The following WSCD2 variants were observed in gnomAD, a reference collection of about 807,000 sequenced individuals.
WSCD2 encodes the protein sialate:O-sulfotransferase 2.
Under a neutral mutation model 55.7 loss-of-function variants are expected in WSCD2, and 28 were observed. That is an observed-to-expected ratio of 0.50 (90% confidence interval 0.37 to 0.69). The LOEUF (loss-of-function observed/expected upper bound fraction) is 0.69, where lower values mean the gene tolerates loss of function less well. WSCD2 is among the 30% of genes least tolerant of loss of function. WSCD2 has a pLI of 0.00. For missense variants in WSCD2, 616 were observed against 762.1 expected, an observed-to-expected ratio of 0.81 and a Z score of 2.26; for synonymous variants, 301 against 301.9, an observed-to-expected ratio of 1.00 and a Z score of 0.03.
intron 1 of WSCD2, among the ~76,000 whole-genome samples, chr12:108,141,349 C>A (rs769844044): frequency 6.6e-6 from 1 of 152,224 alleles, no homozygotes; most frequent in African/African-American, 2.4e-5. Flanking sequence ...GATGCTCCTG[C>A]CTTGGCCTCC....
rs1282939739 is a variant in WSCD2 at position 108,227,003 on chromosome 12, C to A, written c.818C>A (p.Ala273Glu). Residue 273 changes from alanine (A) to glutamate (E), a missense_variant, in exon 6 of 9, where the codon GCA (alanine) becomes GAA (glutamate). Transcript: ENST00000547525. ...DFCTEKEYPL[A>E]ALAGTACHCG... The stretch of plus-strand genomic sequence containing the variant: ...CTCCATCCCCAGGAGTACCCGCTGG[C>A]AGCTCTTGCAGGCACCGCCTGCCAC... The A allele has an allele frequency of 6.2e-7, 1 of 1,613,554 alleles. No individual in the cohort carries two copies. Among genetic ancestry groups the A allele is most frequent in the Non-Finnish European group, 8.5e-7 (1 of 1,179,742 alleles).
chr12:108,182,157 G>A (rs1881858458), intron 1 of WSCD2, among the ~76,000 whole-genome samples: 1 of 152,212 alleles, frequency 6.6e-6, no homozygotes, highest in Non-Finnish European at 1.5e-5. Flanking sequence ...CTACCTCCAA[G>A]AGGTAACATC....
At chr12:108,194,026 G>C (rs1412978641) in intron 1 of WSCD2, among the ~76,000 whole-genome samples, 1 of 152,150 alleles carries the variant, frequency 6.6e-6, no homozygotes, top group Non-Finnish European at 1.5e-5. Context: ...GATGGTCATG[G>C]GGCCCCCTGC....
intron 2 of WSCD2, among the ~76,000 whole-genome samples, chr12:108,201,404 C>G (rs1884660692): frequency 1.3e-5 from 2 of 152,074 alleles, no homozygotes; most frequent in African/African-American, 2.4e-5. Context: ...ACCCAGCCTA[C>G]TCCAGTTTAG....
At chr12:108,179,113 C>T (rs1465714742) in intron 1 of WSCD2, among the ~76,000 whole-genome samples, 1 of 152,150 alleles carries the variant, frequency 6.6e-6, no homozygotes, top group African/African-American at 2.4e-5. Flanking sequence ...CCTCTAATCA[C>T]TTTCACATGG....
At chr12:108,149,698 G>C (rs1026848733) in intron 1 of WSCD2, 4 of 152,268 alleles carry the variant, frequency 2.6e-5, no homozygotes, top group Non-Finnish European at 4.4e-5. Flanking sequence ...CAATTAGGCT[G>C]TGTGCTACTT....
intron 1 of WSCD2, among the ~76,000 whole-genome samples, chr12:108,161,944 C>T (rs765573924): frequency 1.3e-5 from 2 of 152,166 alleles, no homozygotes; most frequent in South Asian, 2.1e-4. Context: ...CAGATTTTAC[C>T]GTGGCTTCAC....
intron 1 of WSCD2, among the ~76,000 whole-genome samples, chr12:108,130,733 C>T (rs1344531066): frequency 6.6e-6 from 1 of 152,022 alleles, no homozygotes; most frequent in East Asian, 1.9e-4. Context: ...CCTGGCTGCT[C>T]AATGAGACCA....
intron 7 of WSCD2, among the ~76,000 whole-genome samples, chr12:108,234,347 G>A (rs1413760568): frequency 6.6e-6 from 1 of 152,124 alleles, no homozygotes; most frequent in Non-Finnish European, 1.5e-5. Context: ...TCTTTCTCAG[G>A]GTGAGACACA....
At chr12:108,194,523 C>T (rs898949402) in intron 1 of WSCD2, among the ~76,000 whole-genome samples, 1 of 152,178 alleles carries the variant, frequency 6.6e-6, no homozygotes, top group African/African-American at 2.4e-5. Flanking sequence ...TCCATTTCCT[C>T]ATCTGTAAAG....
chr12:108,227,934 G>C (rs2137175549), intron 6 of WSCD2, among the ~76,000 whole-genome samples: 1 of 152,112 alleles, frequency 6.6e-6, no homozygotes, highest in East Asian at 1.9e-4. Context: ...GCAACACTTG[G>C]AGTTTCTTGA....
At chr12:108,180,763 T>G (rs1352798777) in intron 1 of WSCD2, among the ~76,000 whole-genome samples, 1 of 152,178 alleles carries the variant, frequency 6.6e-6, no homozygotes, top group Non-Finnish European at 1.5e-5. Flanking sequence ...ACTACATAAT[T>G]TGCAGGGTGC....
rs1763139781 is a variant in WSCD2, at chr12:108,210,029, A to G, written c.498-92A>G. ...TCCCCTGGGATCTCCTGGTCCCCAG[A>G]GCCCTCCCATCCCCCAGGTCTCCAT... is the stretch of plus-strand genomic sequence containing the variant. On this transcript the variant is annotated intron_variant, in intron 3 of 8. Coordinates refer to ENST00000547525, the MANE Select transcript of WSCD2 (RefSeq NM_014653.4). The surrounding 1 kb of genome is among the most constrained non-coding windows in gnomAD (Gnocchi z 4.3). 4 of 1,540,118 alleles carry G rather than the reference A, an allele frequency of 2.6e-6. No homozygotes were observed. Among genetic ancestry groups the G allele is most frequent in the East Asian group, 2.3e-5 (1 of 44,032 alleles).
At chr12:108,152,010 C>T (rs561558293) in intron 1 of WSCD2, among the ~76,000 whole-genome samples, 6 of 152,312 alleles carry the variant, frequency 3.9e-5, no homozygotes, top group East Asian at 3.9e-4. Context: ...CCAAGGGCGG[C>T]GTCGCTGCTC....
intron 4 of WSCD2, among the ~76,000 whole-genome samples, chr12:108,220,951 C>T (rs76593505): frequency 0.033 from 4,962 of 152,282 alleles, 89 homozygotes; most frequent in Non-Finnish European, 0.038. Context: ...TTTGTCAGCT[C>T]TGTAACACTG....
chr12:108,178,629 C>T, intron 1 of WSCD2, among the ~76,000 whole-genome samples: 1 of 152,210 alleles, frequency 6.6e-6, no homozygotes. Flanking sequence ...GCCTATACTA[C>T]AGATCCTACA....
At chr12:108,168,494 A>G (rs2136961056) in intron 1 of WSCD2, among the ~76,000 whole-genome samples, 1 of 151,972 alleles carries the variant, frequency 6.6e-6, no homozygotes, top group East Asian at 1.9e-4. Context: ...CCATGTGCCT[A>G]TACAGCCTTA....
intron 1 of WSCD2, among the ~76,000 whole-genome samples, chr12:108,160,971 C>T (rs188634287): frequency 4.4e-4 from 67 of 152,264 alleles, no homozygotes; most frequent in African/African-American, 1.6e-3. Context: ...TAACAGAAGC[C>T]ACCTAACTGG....
chr12:108,175,255 C>A (rs1441065463), intron 1 of WSCD2, among the ~76,000 whole-genome samples: 1 of 152,164 alleles, frequency 6.6e-6, no homozygotes, highest in African/African-American at 2.4e-5. Flanking sequence ...CAAAGAAGCA[C>A]CTGGCCCAAA....
Sources: gnomAD v4.1 joint callset for allele counts (sites outside exome capture counted in the v4.1 genomes callset) on GRCh38, gnomAD v4.1.1 for gene constraint, Gnocchi (gnomAD v3.1) non-coding constraint, MANE v1.5 for transcripts, NCBI Gene and HGNC (gene_info 2026-07-23, HGNC 2026-07-21) for gene names.